Variants in ACOXL observed in about 807,000 individuals in gnomAD.
ACOXL encodes the protein acyl-coenzyme A oxidase-like protein.
In ACOXL, 70 loss-of-function variants were observed where a neutral mutation model predicts 71.9. That is an observed-to-expected ratio of 0.97 (90% CI 0.80 to 1.19). The LOEUF is 1.19. Ranked by LOEUF, ACOXL falls within the 50% of genes most tolerant of loss-of-function variation. The probability of loss-of-function intolerance (pLI) is 0.00; values close to 1 mark genes in which losing one functional copy is unlikely to be tolerated. For missense variants in ACOXL, 703 were observed against 736.3 expected, an observed-to-expected ratio of 0.95 and a Z score of 0.52; for synonymous variants, 253 against 281.6, an observed-to-expected ratio of 0.90 and a Z score of 1.02.
chr2:110,817,582 C>T (rs536734577), intron 9 of ACOXL, among the ~76,000 whole-genome samples: 2 of 152,252 alleles, frequency 1.3e-5, no homozygotes, highest in East Asian at 3.9e-4. Context: ...CCAACCTGGC[C>T]CATGAGAGAT....
chr2:110,887,146 T>C, intron 10 of ACOXL: 2 of 343,880 alleles, frequency 5.8e-6, no homozygotes, highest in Non-Finnish European at 1.1e-5. Flanking sequence ...AATCATTGAC[T>C]CCGTTACCAT....
Position 110,799,043 on chromosome 2 carries a change from G to C in ACOXL, c.490G>C (p.Asp164His), listed in dbSNP as rs755039702. The C allele has an allele frequency of 4.3e-6, 7 of 1,613,796 alleles. No homozygotes were observed. The highest frequency in any genetic ancestry group is 5.9e-6 in the Non-Finnish European group (7 of 1,179,924). The part of the protein sequence containing the change: ...GPHCFIVPVR[D>H]ENGSLYPGVT... The stretch of plus-strand genomic sequence containing the variant: ...CCACTGTTTCATCGTTCCTGTCCGG[G>C]ATGAAAACGGAAGCTTGTACCCAGG... Residue 164 changes from aspartate to histidine, a missense_variant, in exon 7 of 18, where the codon GAT (aspartate) becomes CAT (histidine). By Grantham distance (81) the Asp-to-His change is moderately conservative (BLOSUM62 -1). Transcript: ENST00000439055.
intron 9 of ACOXL, among the ~76,000 whole-genome samples, chr2:110,839,779 C>T (rs1690907838): frequency 6.6e-6 from 1 of 152,074 alleles, no homozygotes; most frequent in African/African-American, 2.4e-5. Flanking sequence ...AGCTCTCCCT[C>T]CCCTTTCACC....
intron 12 of ACOXL, among the ~76,000 whole-genome samples, chr2:110,935,261 C>T (rs1278739142): frequency 1.3e-5 from 2 of 152,140 alleles, no homozygotes; most frequent in African/African-American, 2.4e-5. Context: ...TCCTGGTCCT[C>T]TGGGCTCCCG....
At chr2:110,945,281 C>G (rs1040680261) in intron 12 of ACOXL, among the ~76,000 whole-genome samples, 4 of 151,386 alleles carry the variant, frequency 2.6e-5, no homozygotes, top group African/African-American at 9.7e-5. Context: ...TTCTCCCATT[C>G]TGTAGGTTGT....
intron 14 of ACOXL, among the ~76,000 whole-genome samples, chr2:111,019,750 T>C (rs568344974): frequency 6.6e-6 from 1 of 152,374 alleles, no homozygotes; most frequent in East Asian, 1.9e-4. Context: ...AAGAAGAGGC[T>C]GCAGAGATCC....
intron 1 of ACOXL, among the ~76,000 whole-genome samples, chr2:110,755,606 C>T (rs182598076): frequency 7.9e-5 from 12 of 152,210 alleles, no homozygotes; most frequent in African/African-American, 2.2e-4. Flanking sequence ...TATGATAAAC[C>T]GGTGTTCAAG....
At chr2:110,979,565 G>T (rs1397998935) in intron 12 of ACOXL, among the ~76,000 whole-genome samples, 1 of 152,186 alleles carries the variant, frequency 6.6e-6, no homozygotes, top group African/African-American at 2.4e-5. Flanking sequence ...GCCTGCAGGA[G>T]TGGTGTGCTC....
At chr2:110,821,242 C>T (rs988110666) in intron 9 of ACOXL, among the ~76,000 whole-genome samples, 2 of 152,152 alleles carry the variant, frequency 1.3e-5, no homozygotes, top group Non-Finnish European at 2.9e-5. Flanking sequence ...CAAGGATAAG[C>T]TCTCTTTTGA....
At chr2:110,837,551 G>C (rs899563926) in intron 9 of ACOXL, among the ~76,000 whole-genome samples, 1 of 152,002 alleles carries the variant, frequency 6.6e-6, no homozygotes, top group African/African-American at 2.4e-5. Flanking sequence ...GTACTTCTGG[G>C]TGTTTTATGG....
At chr2:110,870,987 A>G (rs1695204618) in intron 10 of ACOXL, among the ~76,000 whole-genome samples, 1 of 152,156 alleles carries the variant, frequency 6.6e-6, no homozygotes, top group Non-Finnish European at 1.5e-5. Context: ...CCAGTGTTGG[A>G]AAATCTGTTA....
intron 14 of ACOXL, among the ~76,000 whole-genome samples, chr2:111,014,373 C>T (rs187794418): frequency 9.2e-5 from 14 of 152,294 alleles, no homozygotes; most frequent in African/African-American, 3.4e-4. Context: ...TTTACAATAT[C>T]ATCTAAAAAC....
At chr2:111,067,239 T>G (rs1163841972) in intron 16 of ACOXL, among the ~76,000 whole-genome samples, 1 of 152,168 alleles carries the variant, frequency 6.6e-6, no homozygotes, top group Non-Finnish European at 1.5e-5. Flanking sequence ...GGCAGTCTTT[T>G]AAAACTCATA....
At chr2:111,099,046 C>T (rs1055723119) in intron 17 of ACOXL, 2 of 152,136 alleles carry the variant, frequency 1.3e-5, no homozygotes, top group Non-Finnish European at 2.9e-5. Flanking sequence ...ACCAGAGCTC[C>T]GAATCCCAAA....
intron 1 of ACOXL, among the ~76,000 whole-genome samples, chr2:110,750,805 T>C (rs542206727): frequency 1.3e-5 from 2 of 151,804 alleles, no homozygotes; most frequent in East Asian, 2.0e-4. Context: ...CAAGTGGTCC[T>C]CCCACTGCAA....
chr2:110,891,107 G>A (rs932720563), intron 10 of ACOXL, among the ~76,000 whole-genome samples: 7 of 151,782 alleles, frequency 4.6e-5, no homozygotes, highest in Admixed American at 4.6e-4. Flanking sequence ...ATTAATTTTT[G>A]TATATTTATC....
chr2:111,101,657 A>G (rs1282752865), intron 17 of ACOXL, among the ~76,000 whole-genome samples: 17 of 108,258 alleles, frequency 1.6e-4, no homozygotes, highest in East Asian at 1.2e-3. Flanking sequence ...AATTTGAGGG[A>G]AAAAAAAAAA....
intron 14 of ACOXL, among the ~76,000 whole-genome samples, chr2:111,013,522 C>CAAAAAAAAA (rs56905916): frequency 2.1e-5 from 2 of 95,516 alleles, no homozygotes; most frequent in African/African-American, 3.7e-5. Flanking sequence ...GACCCTGTCT[C>CAAAAAAAAA]AAAAAAAAAA....
In ACOXL at chr2:111,088,036, A is replaced by G. The variant is rs549121749; in HGVS notation, c.1441-4829A>G. 2.0e-5 allele frequency among the ~76,000 whole-genome samples: 3 copies of G among 152,364 alleles called. No homozygotes were observed. In the South Asian group the frequency reaches 6.2e-4, roughly 32 times the overall value. On this transcript the variant is annotated intron_variant, in intron 16 of 17. Transcript: ENST00000439055. Reference sequence around the variant, plus strand: ...CATACATGTGGCCAAAAAGCATATGAAAAAATGCTCAATATCACTAATCAT... The same window carrying G: ...CATACATGTGGCCAAAAAGCATATGGAAAAATGCTCAATATCACTAATCAT...
Sources: gnomAD v4.1 joint callset for allele counts (sites outside exome capture counted in the v4.1 genomes callset) on GRCh38, gnomAD v4.1.1 for gene constraint, MANE v1.5 for transcripts, NCBI Gene and HGNC (gene_info 2026-07-23, HGNC 2026-07-21) for gene names.